The following ATXN1 variants were observed in gnomAD, a reference collection of about 807,000 sequenced individuals.
ATXN1 encodes the protein ataxin-1.
A neutral mutation model predicts 56.4 loss-of-function variants in ATXN1; 8 were observed. The ratio of observed to expected loss-of-function variants is 0.14; its 90% confidence interval spans 0.08 to 0.26. The LOEUF (loss-of-function observed/expected upper bound fraction) is 0.26, where lower values mean the gene tolerates loss of function less well. Ranked by LOEUF, ATXN1 falls within the 10% of genes least tolerant of loss-of-function variation. The pLI, the probability that ATXN1 is intolerant of heterozygous loss-of-function variation, is 1.00. For synonymous variants in ATXN1, 514 were observed against 494.6 expected (o/e 1.04, Z -0.52); for missense variants, 987 against 1,106.5 (o/e 0.89, Z 1.53).
Position 16,700,604 on chromosome 6 carries a change from T to C in ATXN1, c.-614-42703A>G, listed in dbSNP as rs145522493. 4.1e-3 allele frequency among the ~76,000 whole-genome samples: 624 copies of C among 152,246 alleles called. 4 individuals are homozygous for C. Among genetic ancestry groups the C allele is most frequent in the African/African-American group, 0.015 (604 of 41,570 alleles). On this transcript the variant is annotated intron_variant, in intron 2 of 7. Transcript: ENST00000436367. ...AGTCCTGTTCCTTTTCCTGCCGCGGTTGCCATGGCCGACCCAAACAATATA... is the reference window on the plus strand; with the variant it reads ...AGTCCTGTTCCTTTTCCTGCCGCGGCTGCCATGGCCGACCCAAACAATATA...
chr6:16,373,813 C>A (rs1403669545), intron 6 of ATXN1, among the ~76,000 whole-genome samples: 6 of 152,128 alleles, frequency 3.9e-5, no homozygotes, highest in Admixed American at 3.3e-4. Flanking sequence ...ACCTCTTTTT[C>A]TTTATAAATT....
At chr6:16,338,325 C>T (rs1412471403) in intron 6 of ATXN1, among the ~76,000 whole-genome samples, 1 of 152,082 alleles carries the variant, frequency 6.6e-6, no homozygotes, top group Admixed American at 6.6e-5. Context: ...AATCCTGTCT[C>T]TACTAAAAAT....
intron 3 of ATXN1, among the ~76,000 whole-genome samples, chr6:16,616,507 T>G (rs941613747): frequency 6.8e-6 from 1 of 147,472 alleles, no homozygotes; most frequent in African/African-American, 2.5e-5. Flanking sequence ...GCCACTGCAC[T>G]CCAGCCTGGG....
intron 4 of ATXN1, among the ~76,000 whole-genome samples, chr6:16,539,952 C>T (rs1761679140): frequency 6.6e-6 from 1 of 152,232 alleles, no homozygotes; most frequent in East Asian, 1.9e-4. Flanking sequence ...GCCAATCCAA[C>T]CTCAAAAAAA....
intron 3 of ATXN1, among the ~76,000 whole-genome samples, chr6:16,617,387 G>C (rs1395030388): frequency 6.6e-6 from 1 of 150,732 alleles, no homozygotes; most frequent in African/African-American, 2.4e-5. Flanking sequence ...ATGTACACAT[G>C]AAAGAATAAA....
chr6:16,580,696 A>G (rs1762512518), intron 4 of ATXN1, among the ~76,000 whole-genome samples: 1 of 152,252 alleles, frequency 6.6e-6, no homozygotes, highest in Non-Finnish European at 1.5e-5. Flanking sequence ...TGCTTCATAA[A>G]GAAGCCTGGT....
chr6:16,497,651 C>T (rs895253631), intron 5 of ATXN1, among the ~76,000 whole-genome samples: 3 of 152,174 alleles, frequency 2.0e-5, no homozygotes, highest in East Asian at 1.9e-4. Context: ...TCCTTGGTGA[C>T]AGTGCAATGG....
chr6:16,756,875 TGTTA>T (rs1288427876), intron 1 of ATXN1, among the ~76,000 whole-genome samples: 2 of 152,172 alleles, frequency 1.3e-5, no homozygotes, highest in East Asian at 1.9e-4. Flanking sequence ...ACAAAATGAG[TGTTA>T]GTGTTAGTCA....
intron 2 of ATXN1, among the ~76,000 whole-genome samples, chr6:16,745,404 C>A (rs1760497119): frequency 6.6e-6 from 1 of 152,098 alleles, no homozygotes; most frequent in South Asian, 2.1e-4. Flanking sequence ...TTATGTGATC[C>A]TTGCAAATGA....
intron 6 of ATXN1, among the ~76,000 whole-genome samples, chr6:16,347,296 C>T (rs919224628): frequency 2.6e-5 from 4 of 152,246 alleles, no homozygotes; most frequent in Admixed American, 6.5e-5. Context: ...CAGCTGGGCT[C>T]CTGAGTCTGG....
Position 16,433,887 on chromosome 6 carries a change from C to T in ATXN1, c.-161+52085G>A, listed in dbSNP as rs147045302. On this transcript the variant is annotated intron_variant, in intron 6 of 7. Transcript: ENST00000436367. ...TGCCGCTACCTCCTCACCTGCCAAA[C>T]GAGGGTCACGACGCGTCCTCTAACC... Among the ~76,000 whole-genome samples, 459 of 152,300 alleles carry T rather than the reference C, an allele frequency of 3.0e-3. 2 individuals carry two copies. Among genetic ancestry groups the T allele is most frequent in the African/African-American group, 0.01 (436 of 41,554 alleles).
Position 16,751,385 on chromosome 6 carries a change from T to C in ATXN1, c.-615+1848A>G, listed in dbSNP as rs1383329779. Among the ~76,000 whole-genome samples, 6 of 152,306 alleles carry C rather than the reference T, an allele frequency of 3.9e-5. No homozygotes were observed. The East Asian group carries it at 1.2e-3, about 29-fold the overall frequency. On this transcript the variant is annotated intron_variant, in intron 2 of 7. Coordinates refer to ENST00000436367, the MANE Select transcript of ATXN1 (RefSeq NM_001128164.2). ...CCTCTCTAATCCACAGCCAATAAAA[T>C]GTAAGGAATCCAGTTCCATATTTTA... is the stretch of plus-strand genomic sequence containing the variant.
At position 16,300,317 on chromosome 6, in the gene ATXN1, T is replaced by C. The variant is rs567145819; in HGVS notation, c.*6012A>G. 4 of 152,774 alleles carry C rather than the reference T, an allele frequency of 2.6e-5. No individual in the cohort carries two copies. The highest frequency in any genetic ancestry group is 3.9e-4 in the East Asian group (2 of 5,192). The allele number at this position is 152,774 out of a possible 1,614,324, so 9.5% of individuals were successfully genotyped here. ...CTTAATTTTAATACAGTTGAACCAT[T>C]TGTATGCAAGTCATGGGGACATGAA... is the stretch of plus-strand genomic sequence containing the variant. On this transcript the variant is annotated 3_prime_UTR_variant, in exon 8 of 8. Coordinates refer to ENST00000436367, the MANE Select transcript of ATXN1 (RefSeq NM_001128164.2).
chr6:16,335,536 C>T (rs1761100455), intron 6 of ATXN1, among the ~76,000 whole-genome samples: 1 of 152,120 alleles, frequency 6.6e-6, no homozygotes, highest in African/African-American at 2.4e-5. Context: ...ACACGAGGGC[C>T]TAAGGACATA....
At chr6:16,416,341 G>A (rs1264379707) in intron 6 of ATXN1, among the ~76,000 whole-genome samples, 1 of 152,190 alleles carries the variant, frequency 6.6e-6, no homozygotes, top group Non-Finnish European at 1.5e-5. Flanking sequence ...AAATTAGAGA[G>A]ATTTTATTGG....
intron 6 of ATXN1, among the ~76,000 whole-genome samples, chr6:16,424,545 G>C (rs1249729076): frequency 6.6e-6 from 1 of 152,186 alleles, no homozygotes; most frequent in African/African-American, 2.4e-5. Flanking sequence ...AACAAGTACA[G>C]ACCAGCTCAT....
intron 6 of ATXN1, among the ~76,000 whole-genome samples, chr6:16,338,751 T>C (rs773451675): frequency 1.3e-5 from 2 of 152,202 alleles, no homozygotes; most frequent in Non-Finnish European, 2.9e-5. Flanking sequence ...ATGTAATCAA[T>C]ACAACACCTT....
At chr6:16,593,337 A>G (rs1762757681) in intron 3 of ATXN1, among the ~76,000 whole-genome samples, 1 of 152,166 alleles carries the variant, frequency 6.6e-6, no homozygotes, top group Non-Finnish European at 1.5e-5. Context: ...CCTGGGGACT[A>G]TGGAAAGAGA....
At chr6:16,517,533 T>C (rs1041668446) in intron 5 of ATXN1, among the ~76,000 whole-genome samples, 1 of 152,200 alleles carries the variant, frequency 6.6e-6, no homozygotes, top group Non-Finnish European at 1.5e-5. Context: ...TATTATCATA[T>C]ACTGAGCACC....
Sources: allele counts gnomAD v4.1 joint callset (sites outside exome capture counted in the v4.1 genomes callset), GRCh38; gene constraint gnomAD v4.1.1; transcripts MANE v1.5; gene names NCBI Gene and HGNC (gene_info 2026-07-23, HGNC 2026-07-21).